OGA: variants seen among roughly 807,000 people sequenced by gnomAD.
The protein encoded by OGA is protein O-GlcNAcase.
OGA carries 21 observed loss-of-function variants against 102.0 expected under a neutral mutation model. The observed-to-expected ratio is 0.21, with a 90% CI of 0.15 to 0.30. The LOEUF is 0.30. Ranked by LOEUF, OGA falls within the 10% of genes least tolerant of loss-of-function variation. The pLI is 1.00. For synonymous variants in OGA, 408 were observed against 378.2 expected, an observed-to-expected ratio of 1.08 and a Z score of -0.91; for missense variants, 765 against 1,107.8, an observed-to-expected ratio of 0.69 and a Z score of 4.39.
At chr10:101,787,719 C>T (rs896133232) in intron 14 of OGA, 196 bp from the exon 15 acceptor site, 3 of 546,650 alleles carry the variant, frequency 5.5e-6, no homozygotes, top group African/African-American at 3.8e-5. Context: ...TTCTGTTGGC[C>T]AGGCTGGAGA....
At chr10:101,812,029 T>C (rs191738901) in intron 3 of OGA, among the ~76,000 whole-genome samples, 10 of 152,294 alleles carry the variant, frequency 6.6e-5, no homozygotes, top group African/African-American at 2.4e-4. Context: ...TAAGCTGTAA[T>C]TGCTTCTTTG....
intron 3 of OGA, chr10:101,812,823 C>T (rs1354411179): frequency 6.3e-6 from 4 of 635,040 alleles, no homozygotes; most frequent in South Asian, 1.5e-5. Context: ...CAGCCTAGCA[C>T]GCCCATGATA....
intron 14 of OGA, 67 bp downstream of exon 14, chr10:101,790,829 A>T: frequency 1.7e-6 from 2 of 1,194,526 alleles, no homozygotes; most frequent in Non-Finnish European, 1.1e-6. Flanking sequence ...AAGTACTTTA[A>T]TAAAAAATAA....
At chr10:101,807,939 A>T in intron 4 of OGA, 38 bp from the exon 5 acceptor site, 1 of 1,441,552 alleles carries the variant, frequency 6.9e-7, no homozygotes, top group South Asian at 1.5e-5. Context: ...AGAGTAAAAA[A>T]ATTAAGAATT....
intron 11 of OGA, 58 bp downstream of exon 11, chr10:101,793,855 A>T: frequency 1.5e-6 from 2 of 1,328,920 alleles, no homozygotes; most frequent in East Asian, 2.3e-5. Context: ...GATGCGCAAC[A>T]TAAGGTTTCT....
At position 101,791,340 on chromosome 10, in the gene OGA, T is replaced by C; in HGVS notation, c.2261+14A>G. 3 of 1,600,202 alleles carry C rather than the reference T, an allele frequency of 1.9e-6. No individual in the cohort carries two copies. The highest frequency in any genetic ancestry group is 1.7e-5 in the Admixed American group (1 of 59,982). On this transcript the variant is annotated intron_variant, in intron 13 of 15. Coordinates refer to ENST00000361464, the MANE Select transcript of OGA (RefSeq NM_012215.5). ...TGAAAGGTCTACTCTCAAATCCAAA[T>C]ACTTATCACATACTTGTCTCCAATA...
At chr10:101,802,878 C>T (rs2065412499) in intron 7 of OGA, among the ~76,000 whole-genome samples, 1 of 151,006 alleles carries the variant, frequency 6.6e-6, no homozygotes, top group African/African-American at 2.4e-5. Flanking sequence ...GTGGCTCATG[C>T]CTGTAATCCC....
intron 1 of OGA, 84 bp from the exon 2 acceptor site, chr10:101,813,690 A>G: frequency 1.4e-6 from 1 of 739,326 alleles, no homozygotes; most frequent in East Asian, 2.8e-5. Flanking sequence ...AAAACATATA[A>G]TACAATCCTA....
At chr10:101,797,875 G>A in intron 10 of OGA, 105 bp downstream of exon 10, 1 of 1,158,850 alleles carries the variant, frequency 8.6e-7, no homozygotes, top group Non-Finnish European at 1.3e-6. Flanking sequence ...GAATTGAAGA[G>A]ACTTGGAAAT....
Position 101,785,040 on chromosome 10 carries a change from A to C in OGA, c.*1411T>G, listed in dbSNP as rs2065178471. ...AGCCCACAATGGTGGAGTTCTGTGAAAGAAAACTTAAGTTTCTTTCTCTTT... is the reference window on the plus strand; with the variant it reads ...AGCCCACAATGGTGGAGTTCTGTGACAGAAAACTTAAGTTTCTTTCTCTTT... On this transcript the variant is annotated 3_prime_UTR_variant, in exon 16 of 16. Coordinates refer to ENST00000361464, the MANE Select transcript of OGA (RefSeq NM_012215.5). The C allele has an allele frequency of 6.6e-6, 1 of 152,214 alleles. No homozygotes were observed. The highest frequency in any genetic ancestry group is 1.5e-5 in the Non-Finnish European group (1 of 68,046). 9.4% of individuals were successfully genotyped at this position (152,214 alleles called of 1,614,324 possible).
At chr10:101,808,832 TG>T (rs2065509682) in intron 4 of OGA, among the ~76,000 whole-genome samples, 1 of 152,002 alleles carries the variant, frequency 6.6e-6, no homozygotes, top group African/African-American at 2.4e-5. Context: ...TAGCCAGGTG[TG>T]GTAGCACATG....
chr10:101,790,251 G>A (rs1412338908), intron 14 of OGA, among the ~76,000 whole-genome samples: 2 of 144,404 alleles, frequency 1.4e-5, no homozygotes, highest in African/African-American at 2.5e-5. Context: ...TCAACAAAAC[G>A]ACCATAATAT....
In OGA at chr10:101,810,734, T is replaced by C. The variant is rs186465187; in HGVS notation, c.350-420A>G. Among the ~76,000 whole-genome samples, 660 of 152,354 alleles carry C rather than the reference T, an allele frequency of 4.3e-3. 4 individuals carry two copies. Among genetic ancestry groups the C allele is most frequent in the Middle Eastern group, 0.014 (4 of 294 alleles). On this transcript the variant is annotated intron_variant, in intron 3 of 15. Transcript: ENST00000361464. Reference sequence around the variant, plus strand: ...CCTGCAGCATTTGAAAGGCATAAAATGCAGCCGCTGCTTTTTTATTTTGAG... The same window carrying C: ...CCTGCAGCATTTGAAAGGCATAAAACGCAGCCGCTGCTTTTTTATTTTGAG...
At chr10:101,813,246 G>C in intron 2 of OGA, 119 bp from the exon 3 acceptor site, 1 of 703,226 alleles carries the variant, frequency 1.4e-6, no homozygotes, top group South Asian at 1.9e-5. Context: ...TATGACAGTA[G>C]CTTTTAACCT....
chr10:101,785,036 G>T lies in OGA; in HGVS notation c.*1415C>A, dbSNP rs2065178400. On this transcript the variant is annotated 3_prime_UTR_variant, in exon 16 of 16. Transcript: ENST00000361464. ...TCAAAGCCCACAATGGTGGAGTTCT[G>T]TGAAAGAAAACTTAAGTTTCTTTCT... The T allele has an allele frequency of 6.6e-6, 1 of 152,186 alleles. No individual in the cohort carries two copies. The highest frequency in any genetic ancestry group is 2.4e-5 in the African/African-American group (1 of 41,432). 9.4% of individuals were successfully genotyped at this position (152,186 alleles called of 1,614,324 possible). A position where few individuals can be genotyped will look rare whatever the true frequency, so the allele number is the denominator to read the frequency against.
chr10:101,790,325 T>G (rs1330858293), intron 14 of OGA, among the ~76,000 whole-genome samples: 2 of 139,100 alleles, frequency 1.4e-5, no homozygotes, highest in African/African-American at 2.7e-5. Context: ...CCGGCTGGAG[T>G]GCAGTGGCGC....
chr10:101,817,755 C>A, intron 1 of OGA, 69 bp downstream of exon 1: 1 of 1,502,128 alleles, frequency 6.7e-7, no homozygotes, highest in Non-Finnish European at 8.9e-7. Context: ...TCCAAAATCC[C>A]CGCCACCACC....
rs1240074494 is a variant in OGA at position 101,784,796 on chromosome 10, C to G, written c.*1655G>C. Reference sequence around the variant, plus strand: ...TAAGACGAGAAAACTGAGGAAAACTCAGCTGTCTTACTATCTGGTAAGAGT... The same window carrying G: ...TAAGACGAGAAAACTGAGGAAAACTGAGCTGTCTTACTATCTGGTAAGAGT... On this transcript the variant is annotated 3_prime_UTR_variant, in exon 16 of 16. Coordinates refer to ENST00000361464, the MANE Select transcript of OGA (RefSeq NM_012215.5). 1 of 152,246 alleles carries G rather than the reference C, an allele frequency of 6.6e-6. No homozygotes were observed. Among genetic ancestry groups the G allele is most frequent in the African/African-American group, 2.4e-5 (1 of 41,468 alleles). The allele number at this position is 152,246 out of a possible 1,614,324, so 9.4% of individuals were successfully genotyped here. A position where few individuals can be genotyped will look rare whatever the true frequency, so the allele number is the denominator to read the frequency against.
chr10:101,787,720 A>T, intron 14 of OGA, 197 bp from the exon 15 acceptor site: 2 of 524,192 alleles, frequency 3.8e-6, no homozygotes, highest in Non-Finnish European at 6.8e-6. Context: ...TCTGTTGGCC[A>T]GGCTGGAGAG....
Sources: gnomAD v4.1 joint callset for allele counts (sites outside exome capture counted in the v4.1 genomes callset) on GRCh38, gnomAD v4.1.1 for gene constraint, MANE v1.5 for transcripts, NCBI Gene and HGNC (gene_info 2026-07-23, HGNC 2026-07-21) for gene names.